SLC35F1: variants seen among roughly 807,000 people sequenced by gnomAD.
The protein encoded by SLC35F1 is solute carrier family 35 member F1, also known as chromosome 6 open reading frame 169.
Under a neutral mutation model 48.7 loss-of-function variants are expected in SLC35F1, and 14 were observed. The ratio of observed to expected loss-of-function variants is 0.29; its 90% confidence interval spans 0.19 to 0.45. The LOEUF (loss-of-function observed/expected upper bound fraction) is 0.45. SLC35F1 is among the 20% of genes least tolerant of loss of function. The probability of loss-of-function intolerance (pLI) is 1.00; values close to 1 mark genes in which losing one functional copy is unlikely to be tolerated. For missense variants in SLC35F1, 404 were observed against 500.0 expected (o/e 0.81, Z 1.83); for synonymous variants, 190 against 202.2 (o/e 0.94, Z 0.51).
At chr6:117,977,931 A>T (rs2114847845) in intron 1 of SLC35F1, among the ~76,000 whole-genome samples, 1 of 152,308 alleles carries the variant, frequency 6.6e-6, no homozygotes, top group South Asian at 2.1e-4. Context: ...AAGCAGTTGG[A>T]ATAATAAATA....
intron 1 of SLC35F1, among the ~76,000 whole-genome samples, chr6:118,124,607 G>A (rs959764637): frequency 7.2e-5 from 11 of 152,062 alleles, no homozygotes; most frequent in African/African-American, 1.9e-4. Flanking sequence ...TTACTGAGCC[G>A]GCCCAGGCTG....
chr6:118,277,465 C>T lies in SLC35F1; in HGVS notation c.795-29C>T, dbSNP rs199564702. ...AAGTAGAGTGCATTCTAATCTTGCT[C>T]ATCAGGTTCATTTCCTTTGAATTTG... On this transcript the variant is annotated intron_variant, in intron 5 of 7. Coordinates refer to ENST00000360388, the MANE Select transcript of SLC35F1 (RefSeq NM_001029858.4). The T allele has an allele frequency of 3.7e-6, 6 of 1,605,834 alleles. No homozygotes were observed. The African/African-American group carries it at 5.3e-5, about 14-fold the overall frequency.
intron 1 of SLC35F1, among the ~76,000 whole-genome samples, chr6:118,032,740 G>T (rs564244374): frequency 6.6e-6 from 1 of 152,068 alleles, no homozygotes; most frequent in Non-Finnish European, 1.5e-5. Context: ...CCTGTAATTT[G>T]TCATCATGCT....
At chr6:118,091,384 G>A (rs559992918) in intron 1 of SLC35F1, among the ~76,000 whole-genome samples, 2 of 152,260 alleles carry the variant, frequency 1.3e-5, no homozygotes, top group African/African-American at 4.8e-5. Flanking sequence ...TTTTTCCCAT[G>A]CTGTTCTTGT....
chr6:118,288,897 C>G (rs1397529193), intron 7 of SLC35F1, among the ~76,000 whole-genome samples: 2 of 152,134 alleles, frequency 1.3e-5, no homozygotes, highest in African/African-American at 2.4e-5. Context: ...AAAAACCCCA[C>G]AAAACGGTAG....
chr6:118,031,723 C>T (rs1772052605), intron 1 of SLC35F1, among the ~76,000 whole-genome samples: 1 of 152,198 alleles, frequency 6.6e-6, no homozygotes, highest in African/African-American at 2.4e-5. Context: ...AGTAGCAGCA[C>T]AGGGCAGCTT....
intron 1 of SLC35F1, among the ~76,000 whole-genome samples, chr6:117,949,898 C>T (rs904662375): frequency 1.8e-4 from 28 of 152,050 alleles, no homozygotes; most frequent in Non-Finnish European, 2.9e-5. Flanking sequence ...ATAATGTATC[C>T]TCTCAGGTGT....
chr6:118,163,415 CACT>C (rs1422791253), intron 2 of SLC35F1, among the ~76,000 whole-genome samples: 5 of 77,882 alleles, frequency 6.4e-5, no homozygotes, highest in African/African-American at 3.2e-4. Flanking sequence ...TACACAAACA[CACT>C]CACACTCACA....
intron 1 of SLC35F1, among the ~76,000 whole-genome samples, chr6:118,024,283 C>CA (rs1394536902): frequency 2.0e-5 from 3 of 151,888 alleles, no homozygotes; most frequent in Non-Finnish European, 4.4e-5. Context: ...ACTAAACAAA[C>CA]AAAAAAATCC....
chr6:118,128,976 TACTC>T (rs1452491145), intron 1 of SLC35F1, among the ~76,000 whole-genome samples: 1 of 152,200 alleles, frequency 6.6e-6, no homozygotes, highest in African/African-American at 2.4e-5. Flanking sequence ...ACACATTTGT[TACTC>T]TCTTTCTAAT....
intron 1 of SLC35F1, among the ~76,000 whole-genome samples, chr6:118,052,308 TA>T (rs1207294746): frequency 1.3e-5 from 2 of 152,070 alleles, no homozygotes; most frequent in African/African-American, 4.8e-5. Flanking sequence ...TAAAAGAATT[TA>T]AAAAGCAAGA....
At chr6:118,176,000 C>T (rs1231003659) in intron 2 of SLC35F1, among the ~76,000 whole-genome samples, 2 of 152,032 alleles carry the variant, frequency 1.3e-5, no homozygotes, top group African/African-American at 4.8e-5. Context: ...GTCTCCATTT[C>T]TTCAATGTTA....
chr6:118,260,450 T>A (rs998361591), intron 3 of SLC35F1, among the ~76,000 whole-genome samples: 1 of 151,044 alleles, frequency 6.6e-6, no homozygotes, highest in African/African-American at 2.5e-5. Context: ...TTAGGGTTTT[T>A]AATTTTTTTT....
chr6:118,199,859 A>G (rs1051805156), intron 2 of SLC35F1, among the ~76,000 whole-genome samples: 3 of 152,202 alleles, frequency 2.0e-5, no homozygotes, highest in African/African-American at 7.2e-5. Flanking sequence ...AGGACACATA[A>G]TAAATTTCAA....
chr6:118,071,505 C>G (rs1032291013), intron 1 of SLC35F1, among the ~76,000 whole-genome samples: 71 of 152,164 alleles, frequency 4.7e-4, no homozygotes, highest in African/African-American at 1.5e-3. Flanking sequence ...ACTGCCATCT[C>G]TAGGACTTTC....
intron 1 of SLC35F1, among the ~76,000 whole-genome samples, chr6:117,944,592 T>C (rs2760229): frequency 0.63 from 85,608 of 135,680 alleles, 25,144 homozygotes; most frequent in South Asian, 0.82. Flanking sequence ...CACATACACA[T>C]ACACACACAC....
At chr6:117,923,697 A>ATATGTACATATG in intron 1 of SLC35F1, among the ~76,000 whole-genome samples, 1 of 97,324 alleles carries the variant, frequency 1.0e-5, no homozygotes, top group East Asian at 3.0e-4. Flanking sequence ...ATATGTACAT[A>ATATGTACATATG]TACATATATG....
chr6:118,296,808 T>C (rs570209970), intron 7 of SLC35F1, among the ~76,000 whole-genome samples: 1 of 152,208 alleles, frequency 6.6e-6, no homozygotes, highest in African/African-American at 2.4e-5. Flanking sequence ...ATGCCTGGAA[T>C]GTGTTTGTCA....
intron 1 of SLC35F1, among the ~76,000 whole-genome samples, chr6:118,023,453 A>G (rs1777425607): frequency 1.3e-5 from 2 of 152,294 alleles, no homozygotes; most frequent in African/African-American, 4.8e-5. Context: ...TCACTGAGAG[A>G]AAATTTGGAT....
Sources: allele counts gnomAD v4.1 joint callset (sites outside exome capture counted in the v4.1 genomes callset), GRCh38; gene constraint gnomAD v4.1.1; transcripts MANE v1.5; gene names NCBI Gene and HGNC (gene_info 2026-07-23, HGNC 2026-07-21).